The following KCNQ3 variants were observed in gnomAD, a reference collection of about 807,000 sequenced individuals.
KCNQ3 encodes potassium voltage-gated channel subfamily Q member 3.
In KCNQ3, 30 loss-of-function variants were observed where a neutral mutation model predicts 92.5. That is an observed-to-expected ratio of 0.32 (90% confidence interval 0.24 to 0.44). The LOEUF (loss-of-function observed/expected upper bound fraction) is 0.44, where lower values mean the gene tolerates loss of function less well. KCNQ3 is among the 20% of genes least tolerant of loss of function. KCNQ3 has a pLI of 1.00. For synonymous variants in KCNQ3, 450 were observed against 468.8 expected (o/e 0.96, Z 0.52); for missense variants, 913 against 1,140.3 (o/e 0.80, Z 2.87).
intron 1 of KCNQ3, among the ~76,000 whole-genome samples, chr8:132,339,122 C>T (rs1266057754): frequency 2.0e-5 from 3 of 152,294 alleles, no homozygotes; most frequent in East Asian, 3.9e-4. Flanking sequence ...ATTAATCAGG[C>T]AGCTGTGTGG....
intron 1 of KCNQ3, among the ~76,000 whole-genome samples, chr8:132,294,219 T>C (rs1436450699): frequency 6.6e-6 from 1 of 152,114 alleles, no homozygotes; most frequent in African/African-American, 2.4e-5. Context: ...GCCAGGATGG[T>C]CTCCATCTCC....
intron 1 of KCNQ3, among the ~76,000 whole-genome samples, chr8:132,400,715 T>C (rs1395197336): frequency 6.6e-6 from 1 of 152,226 alleles, no homozygotes; most frequent in African/African-American, 2.4e-5. Context: ...GAGGGAATAG[T>C]GGGAAACAGC....
intron 1 of KCNQ3, among the ~76,000 whole-genome samples, chr8:132,384,888 A>T (rs770197563): frequency 2.0e-5 from 3 of 152,242 alleles, no homozygotes; most frequent in Non-Finnish European, 2.9e-5. Flanking sequence ...TGGGAGAATT[A>T]AACAGGATAA....
intron 1 of KCNQ3, among the ~76,000 whole-genome samples, chr8:132,245,153 CTG>C (rs1815126066): frequency 6.6e-6 from 1 of 152,098 alleles, no homozygotes; most frequent in Non-Finnish European, 1.5e-5. Flanking sequence ...GATTACTTTC[CTG>C]TCTGTCCCTC....
In KCNQ3 at chr8:132,125,564, T is replaced by C. The variant is rs1165677005; in HGVS notation, c.*3698A>G. 6.6e-6 allele frequency: 1 copy of C among 152,208 alleles called. No individual in the cohort carries two copies. Among genetic ancestry groups the C allele is most frequent in the African/African-American group, 2.4e-5 (1 of 41,458 alleles). The allele number at this position is 152,208 out of a possible 1,614,324, so 9.4% of individuals were successfully genotyped here. A position where few individuals can be genotyped will look rare whatever the true frequency, so the allele number is the denominator to read the frequency against. ...ATGAATAAACAAATGATTTTTTCTT[T>C]ATTACACCCCCATTTCAGTAGCATG... On this transcript the variant is annotated 3_prime_UTR_variant, in exon 15 of 15. Transcript: ENST00000388996.
At chr8:132,378,166 G>A (rs1819659868) in intron 1 of KCNQ3, among the ~76,000 whole-genome samples, 1 of 152,156 alleles carries the variant, frequency 6.6e-6, no homozygotes, top group African/African-American at 2.4e-5. Flanking sequence ...GGCCACGGTG[G>A]GTGGATCGTT....
chr8:132,308,202 C>G (rs1817488632), intron 1 of KCNQ3, among the ~76,000 whole-genome samples: 1 of 152,220 alleles, frequency 6.6e-6, no homozygotes, highest in South Asian at 2.1e-4. Context: ...TTCCACCTGA[C>G]TTTGAGTCTA....
intron 1 of KCNQ3, among the ~76,000 whole-genome samples, chr8:132,454,938 T>C (rs1365932403): frequency 6.7e-6 from 1 of 150,076 alleles, no homozygotes; most frequent in African/African-American, 2.5e-5. Context: ...AAATATTCTA[T>C]GATTCCATTC....
chr8:132,413,829 T>C (rs1471281125), intron 1 of KCNQ3, among the ~76,000 whole-genome samples: 1 of 152,228 alleles, frequency 6.6e-6, no homozygotes, highest in African/African-American at 2.4e-5. Flanking sequence ...TTCCTCAGCA[T>C]GTCTGTGTCA....
At chr8:132,442,651 G>A (rs145686221) in intron 1 of KCNQ3, among the ~76,000 whole-genome samples, 197 of 152,236 alleles carry the variant, frequency 1.3e-3, no homozygotes, top group African/African-American at 4.4e-3. Context: ...AAGCTACCCC[G>A]GGGAGCCGCA....
intron 1 of KCNQ3, among the ~76,000 whole-genome samples, chr8:132,453,216 T>C (rs950240918): frequency 6.6e-6 from 1 of 152,164 alleles, no homozygotes; most frequent in African/African-American, 2.4e-5. Flanking sequence ...GGGCAAGGGC[T>C]GGATCATCTG....
intron 9 of KCNQ3, among the ~76,000 whole-genome samples, chr8:132,154,213 T>TTTTG (rs1586778361): frequency 7.0e-6 from 1 of 142,216 alleles, no homozygotes; most frequent in South Asian, 2.4e-4. Context: ...TTTTTTTTTT[T>TTTTG]TTTTTTTTTT....
At chr8:132,220,674 G>T (rs1368844204) in intron 1 of KCNQ3, among the ~76,000 whole-genome samples, 1 of 152,104 alleles carries the variant, frequency 6.6e-6, no homozygotes, top group Non-Finnish European at 1.5e-5. Flanking sequence ...GTTTGAGTTT[G>T]GGAGGCAGAG....
intron 1 of KCNQ3, among the ~76,000 whole-genome samples, chr8:132,303,610 A>G (rs1368821324): frequency 0.071 from 821 of 11,548 alleles, 170 homozygotes; most frequent in African/African-American, 0.41. Flanking sequence ...TGGTGTGTAT[A>G]TATATATATA....
At chr8:132,234,861 C>T (rs1814760454) in intron 1 of KCNQ3, among the ~76,000 whole-genome samples, 1 of 152,146 alleles carries the variant, frequency 6.6e-6, no homozygotes, top group African/African-American at 2.4e-5. Flanking sequence ...GCTGCCCTGG[C>T]CCAGCCCCCA....
At chr8:132,228,636 GT>G (rs150629182) in intron 1 of KCNQ3, among the ~76,000 whole-genome samples, 4,786 of 152,042 alleles carry the variant, frequency 0.031, 132 homozygotes, top group Non-Finnish European at 0.047. Flanking sequence ...AACAAAACAT[GT>G]TTTCAGTCCC....
At chr8:132,435,681 T>A (rs1484313182) in intron 1 of KCNQ3, among the ~76,000 whole-genome samples, 1 of 152,124 alleles carries the variant, frequency 6.6e-6, no homozygotes, top group Non-Finnish European at 1.5e-5. Context: ...ATTTTTTTCT[T>A]CTTTTCCAAA....
intron 9 of KCNQ3, among the ~76,000 whole-genome samples, chr8:132,158,473 G>A (rs1312007884): frequency 6.6e-6 from 1 of 152,148 alleles, no homozygotes; most frequent in Non-Finnish European, 1.5e-5. Context: ...GCCTCCTCCT[G>A]TGTCAGGGAC....
intron 1 of KCNQ3, among the ~76,000 whole-genome samples, chr8:132,316,671 C>A (rs558728203): frequency 6.6e-6 from 1 of 152,342 alleles, no homozygotes; most frequent in Admixed American, 6.5e-5. Context: ...AAGACATCCA[C>A]CCTCTCTGAA....
Sources: gnomAD v4.1 joint callset for allele counts (sites outside exome capture counted in the v4.1 genomes callset) on GRCh38, gnomAD v4.1.1 for gene constraint, MANE v1.5 for transcripts, NCBI Gene and HGNC (gene_info 2026-07-23, HGNC 2026-07-21) for gene names.